LRP1B: variants seen among roughly 807,000 people sequenced by gnomAD.
LRP1B encodes LDL receptor related protein 1B.
In LRP1B, 217 loss-of-function variants were observed where a neutral mutation model predicts 556.6. The ratio of observed to expected loss-of-function variants is 0.39; its 90% CI spans 0.35 to 0.44. LRP1B has a LOEUF of 0.44. Among genes scored for constraint, LRP1B ranks in the 20% least tolerant of loss-of-function variants. The probability of loss-of-function intolerance (pLI) is 1.00; values close to 1 mark genes in which losing one functional copy is unlikely to be tolerated. For missense variants in LRP1B, 5,053 were observed against 5,620.8 expected, an observed-to-expected ratio of 0.90 and a Z score of 3.23; for synonymous variants, 2,047 against 1,865.8, an observed-to-expected ratio of 1.10 and a Z score of -2.50.
At chr2:141,973,703 C>G (rs988172802) in intron 1 of LRP1B, among the ~76,000 whole-genome samples, 18 of 151,728 alleles carry the variant, frequency 1.2e-4, no homozygotes, top group Non-Finnish European at 4.4e-5. Flanking sequence ...GGTATAATAT[C>G]CCTGATTGTG....
intron 3 of LRP1B, among the ~76,000 whole-genome samples, chr2:141,465,734 G>C (rs1682164846): frequency 6.6e-6 from 1 of 151,876 alleles, no homozygotes; most frequent in Non-Finnish European, 1.5e-5. Flanking sequence ...ATTTTTTGTA[G>C]AGACAGGTTT....
intron 3 of LRP1B, among the ~76,000 whole-genome samples, chr2:141,266,769 T>G (rs905988335): frequency 2.6e-5 from 4 of 152,184 alleles, no homozygotes; most frequent in African/African-American, 9.6e-5. Flanking sequence ...CACAGATAAT[T>G]AAAATATAGC....
At chr2:140,784,786 T>C (rs544263897) in intron 32 of LRP1B, among the ~76,000 whole-genome samples, 1 of 152,012 alleles carries the variant, frequency 6.6e-6, no homozygotes, top group South Asian at 2.1e-4. Flanking sequence ...TTTAAAATGC[T>C]GATAGAAAGT....
intron 41 of LRP1B, among the ~76,000 whole-genome samples, chr2:140,602,570 T>C (rs1415969913): frequency 6.6e-6 from 1 of 152,008 alleles, no homozygotes; most frequent in African/African-American, 2.4e-5. Context: ...TTCCCCTGCT[T>C]TTCTCTCAAA....
chr2:141,972,587 CAAA>C (rs58540950), intron 1 of LRP1B, among the ~76,000 whole-genome samples: 11 of 144,022 alleles, frequency 7.6e-5, no homozygotes, highest in African/African-American at 1.7e-4. Flanking sequence ...AATGCAGGTG[CAAA>C]AAAAAAAAAA....
At chr2:140,914,092 G>C (rs1164768515) in intron 21 of LRP1B, among the ~76,000 whole-genome samples, 2 of 152,092 alleles carry the variant, frequency 1.3e-5, no homozygotes, top group African/African-American at 4.8e-5. Flanking sequence ...TTGTCTATAA[G>C]ATTCAGCAAA....
At chr2:141,296,177 A>G (rs907958912) in intron 3 of LRP1B, among the ~76,000 whole-genome samples, 1 of 152,208 alleles carries the variant, frequency 6.6e-6, no homozygotes, top group African/African-American at 2.4e-5. Flanking sequence ...GTGATAAGCT[A>G]TCCTAACTCC....
intron 2 of LRP1B, 80 bp from the exon 3 acceptor site, chr2:141,480,613 C>T (rs1293945204): frequency 2.2e-6 from 3 of 1,385,562 alleles, no homozygotes; most frequent in Admixed American, 3.4e-5. Context: ...AAATTACTAG[C>T]ATTGTTTTAC....
intron 89 of LRP1B, among the ~76,000 whole-genome samples, chr2:140,237,261 G>T (rs1680750698): frequency 6.6e-6 from 1 of 150,832 alleles, no homozygotes; most frequent in Non-Finnish European, 1.5e-5. Context: ...AGATCATGTG[G>T]TATTTGTCAT....
At chr2:141,540,990 CA>C (rs5834843) in intron 2 of LRP1B, among the ~76,000 whole-genome samples, 1 of 151,788 alleles carries the variant, frequency 6.6e-6, no homozygotes, top group East Asian at 1.9e-4. Context: ...AATATAACAT[CA>C]AAAAAACAAC....
In LRP1B at chr2:140,536,712, GC is replaced by G; in HGVS notation, c.7514-4del. 5 of 1,550,582 alleles carry G rather than the reference GC, an allele frequency of 3.2e-6. No individual in the cohort carries two copies. The highest frequency in any genetic ancestry group is 1.2e-5 in the South Asian group (1 of 80,824). On this transcript the variant is annotated splice_region_variant and splice_polypyrimidine_tract_variant and intron_variant, in intron 45 of 90. Transcript: ENST00000389484. ...AGCGTTGCAGGAGGAATTTTTAGCT[GC>G]AAGAAAAAAAAAAAAAGTCAATACT...
At chr2:140,894,968 T>G (rs1314193584) in intron 23 of LRP1B, among the ~76,000 whole-genome samples, 1 of 149,576 alleles carries the variant, frequency 6.7e-6, no homozygotes, top group Non-Finnish European at 1.5e-5. Flanking sequence ...ATTGATACAG[T>G]TGGAGATGTA....
rs78425379 is a variant in LRP1B, at chr2:141,626,371, T to C, written c.206-145838A>G. Among the ~76,000 whole-genome samples the C allele has an allele frequency of 4.4e-4, 67 of 152,118 alleles. 1 individual carries two copies. The East Asian group carries it at 0.013, about 29-fold the overall frequency. On this transcript the variant is annotated intron_variant, in intron 2 of 90. Transcript: ENST00000389484. ...ACTATGAAACTCCTAGAAGATAACATAGAAGAAAATCTAAGTGACCTAGGG... is the reference window on the plus strand; with the variant it reads ...ACTATGAAACTCCTAGAAGATAACACAGAAGAAAATCTAAGTGACCTAGGG...
At chr2:140,912,719 A>G (rs1449504586) in intron 21 of LRP1B, among the ~76,000 whole-genome samples, 2 of 151,698 alleles carry the variant, frequency 1.3e-5, no homozygotes, top group East Asian at 3.9e-4. Flanking sequence ...TAGATAAGTA[A>G]CAACAATAAC....
intron 7 of LRP1B, among the ~76,000 whole-genome samples, chr2:141,108,975 G>A (rs1700681216): frequency 6.6e-6 from 1 of 152,190 alleles, no homozygotes; most frequent in Non-Finnish European, 1.5e-5. Flanking sequence ...TATAGGTGGA[G>A]TTATATGATT....
At chr2:140,481,884 G>A (rs1688261399) in intron 59 of LRP1B, among the ~76,000 whole-genome samples, 1 of 151,984 alleles carries the variant, frequency 6.6e-6, no homozygotes, top group Non-Finnish European at 1.5e-5. Context: ...TAATTTGTTG[G>A]ATGTGCCACA....
At chr2:140,836,111 C>T (rs1573783459) in intron 31 of LRP1B, among the ~76,000 whole-genome samples, 1 of 152,098 alleles carries the variant, frequency 6.6e-6, no homozygotes, top group East Asian at 1.9e-4. Context: ...GTAGGCTCTT[C>T]TAAATTTTTT....
intron 32 of LRP1B, among the ~76,000 whole-genome samples, chr2:140,802,698 T>C (rs940429550): frequency 2.6e-5 from 4 of 152,072 alleles, no homozygotes; most frequent in Non-Finnish European, 4.4e-5. Flanking sequence ...ATTGAATTGA[T>C]TTTTTTTATT....
intron 32 of LRP1B, among the ~76,000 whole-genome samples, chr2:140,776,852 C>A (rs1689517812): frequency 6.9e-6 from 1 of 145,402 alleles, no homozygotes; most frequent in Non-Finnish European, 1.5e-5. Flanking sequence ...ATCAGAGAAT[C>A]TACAGTGTGC....
Sources: allele counts gnomAD v4.1 joint callset (sites outside exome capture counted in the v4.1 genomes callset), GRCh38; gene constraint gnomAD v4.1.1; transcripts MANE v1.5; gene names NCBI Gene and HGNC (gene_info 2026-07-23, HGNC 2026-07-21).